The following IQCK variants were observed in gnomAD, a reference collection of about 807,000 sequenced individuals.
IQCK encodes IQ motif containing K, also known as IQ domain-containing protein K.
Under a neutral mutation model 28.1 loss-of-function variants are expected in IQCK, and 29 were observed. That is an observed-to-expected ratio of 1.03 (90% CI 0.77 to 1.41). IQCK has a LOEUF of 1.41. Among genes scored for constraint, IQCK ranks in the 40% most tolerant of loss-of-function variants. The pLI is 0.00. For missense variants in IQCK, 359 were observed against 314.7 expected (o/e 1.14, Z -1.07); for synonymous variants, 113 against 115.1 (o/e 0.98, Z 0.12).
chr16:19,843,965 A>G (rs1437002034), intron 9 of IQCK, among the ~76,000 whole-genome samples: 1 of 152,140 alleles, frequency 6.6e-6, no homozygotes, highest in East Asian at 1.9e-4. Context: ...AAGGTATCAC[A>G]TCTCACTTAT....
At chr16:19,826,598 G>A (rs1033070907) in intron 7 of IQCK, among the ~76,000 whole-genome samples, 3 of 152,268 alleles carry the variant, frequency 2.0e-5, no homozygotes, top group East Asian at 1.9e-4. Flanking sequence ...GGCTGGTCTC[G>A]AACTCCTGAC....
chr16:19,834,088 G>C (rs111234317), intron 9 of IQCK, among the ~76,000 whole-genome samples: 2 of 152,240 alleles, frequency 1.3e-5, no homozygotes, highest in East Asian at 3.9e-4. Context: ...CCTCATCTCA[G>C]AATAAATAAA....
intron 6 of IQCK, among the ~76,000 whole-genome samples, chr16:19,772,033 AG>A (rs1276568975): frequency 6.6e-6 from 1 of 152,160 alleles, no homozygotes; most frequent in Admixed American, 6.6e-5. Context: ...AGCTCTGGAA[AG>A]GGGGTGGAGA....
chr16:19,806,565 C>A (rs925749221), intron 7 of IQCK, among the ~76,000 whole-genome samples: 2 of 151,206 alleles, frequency 1.3e-5, no homozygotes, highest in African/African-American at 4.9e-5. Context: ...TGGCACACAC[C>A]TGTAGTCCTA....
intron 6 of IQCK, among the ~76,000 whole-genome samples, chr16:19,773,799 C>A (rs562672653): frequency 1.5e-4 from 23 of 152,220 alleles, no homozygotes; most frequent in Admixed American, 1.4e-3. Flanking sequence ...AGCAAAAAAA[C>A]CAACATAATT....
chr16:19,778,290 A>G (rs1380496551), intron 6 of IQCK, among the ~76,000 whole-genome samples: 3 of 152,132 alleles, frequency 2.0e-5, no homozygotes, highest in African/African-American at 7.2e-5. Context: ...AGTGGAGAGC[A>G]TTCTTGTGGG....
intron 1 of IQCK, among the ~76,000 whole-genome samples, chr16:19,723,236 G>A (rs188469396): frequency 7.2e-5 from 11 of 152,066 alleles, no homozygotes; most frequent in Admixed American, 2.0e-4. Flanking sequence ...ACTGGCTGTC[G>A]TAGGAACCTC....
intron 4 of IQCK, among the ~76,000 whole-genome samples, chr16:19,736,760 T>G (rs1978027111): frequency 6.6e-6 from 1 of 151,932 alleles, no homozygotes; most frequent in Non-Finnish European, 1.5e-5. Flanking sequence ...TTATCTGCAC[T>G]CTGCAGAGGA....
chr16:19,754,706 A>G (rs1287994112), intron 4 of IQCK, among the ~76,000 whole-genome samples: 1 of 151,900 alleles, frequency 6.6e-6, no homozygotes, highest in East Asian at 1.9e-4. Context: ...CCTTCTTATA[A>G]TTAAAAACCT....
intron 7 of IQCK, among the ~76,000 whole-genome samples, chr16:19,810,468 G>A (rs1375451757): frequency 6.7e-6 from 1 of 149,940 alleles, no homozygotes; most frequent in South Asian, 2.1e-4. Flanking sequence ...CTGCACTCCA[G>A]CCTGGGTGAC....
intron 6 of IQCK, among the ~76,000 whole-genome samples, chr16:19,780,373 G>GT (rs1597552681): frequency 6.6e-6 from 1 of 152,028 alleles, no homozygotes; most frequent in East Asian, 1.9e-4. Context: ...TAGAGACAGT[G>GT]TTGCCCTGGC....
At chr16:19,730,685 C>T (rs1977804850) in intron 2 of IQCK, among the ~76,000 whole-genome samples, 191 bp downstream of exon 2, 1 of 152,158 alleles carries the variant, frequency 6.6e-6, no homozygotes, top group Non-Finnish European at 1.5e-5. Context: ...ATCACATAAC[C>T]TCTTTGAGCA....
intron 4 of IQCK, among the ~76,000 whole-genome samples, chr16:19,757,294 C>G (rs1402184171): frequency 6.6e-6 from 1 of 152,206 alleles, no homozygotes; most frequent in East Asian, 1.9e-4. Flanking sequence ...CTCTTCTCAG[C>G]CTTCAGTCCT....
In IQCK at chr16:19,822,579, C is replaced by T. The variant is rs1174843069; in HGVS notation, c.691-4447C>T. 4.6e-5 allele frequency among the ~76,000 whole-genome samples: 7 copies of T among 152,032 alleles called. No homozygotes were observed. The East Asian group carries it at 1.2e-3, about 25-fold the overall frequency. ...CAAAGGACACATGATTGTACGATTC[C>T]ATTTGTAGGAAATATCCAGAATAGG... On this transcript the variant is annotated intron_variant, in intron 7 of 7. Transcript: ENST00000564186.
At chr16:19,785,643 T>TTATAACTTCACTTCAGCCTC (rs2055552630) in intron 6 of IQCK, among the ~76,000 whole-genome samples, 2 of 152,108 alleles carry the variant, frequency 1.3e-5, no homozygotes, top group Admixed American at 6.6e-5. Flanking sequence ...TTGCATAACT[T>TTATAACTTCACTTCAGCCTC]TATAACTTCA....
chr16:19,806,997 G>A (rs561449007), intron 7 of IQCK, among the ~76,000 whole-genome samples: 13 of 152,350 alleles, frequency 8.5e-5, no homozygotes, highest in Non-Finnish European at 1.8e-4. Context: ...GGGTTAATAT[G>A]TGTGGCAGTA....
At chr16:19,775,508 A>C (rs1369013811) in intron 6 of IQCK, among the ~76,000 whole-genome samples, 2 of 152,220 alleles carry the variant, frequency 1.3e-5, no homozygotes. Context: ...TTTAACTTAC[A>C]TCGCAACCCT....
chr16:19,857,109 C>CT, exon 10 of IQCK: 1 of 183,192 alleles, frequency 5.5e-6, no homozygotes, highest in Non-Finnish European at 1.1e-5. Context: ...TTTTTGTTGT[C>CT]TAAGTCCCAA....
rs566282471 is a variant in IQCK at position 19,773,859 on chromosome 16, T to G, written c.605+9747T>G. On this transcript the variant is annotated intron_variant, in intron 6 of 7. Transcript: ENST00000564186. ...ATGGAAGGAGAGAAAAGTTTATGAT[T>G]ACATCAGGAGTTCAGGAACTTGATA... Among the ~76,000 whole-genome samples, 3 of 152,320 alleles carry G rather than the reference T, an allele frequency of 2.0e-5. No individual in the cohort carries two copies. The East Asian group carries it at 5.8e-4, about 29-fold the overall frequency.
Sources: gnomAD v4.1 joint callset for allele counts (sites outside exome capture counted in the v4.1 genomes callset) on GRCh38, gnomAD v4.1.1 for gene constraint, MANE v1.5 for transcripts, NCBI Gene and HGNC (gene_info 2026-07-23, HGNC 2026-07-21) for gene names.